The following ELP6 variants were observed in gnomAD, a reference collection of about 807,000 sequenced individuals.
ELP6 encodes the protein elongator complex protein 6.
In ELP6, 23 loss-of-function variants were observed where a neutral mutation model predicts 28.1. That is an observed-to-expected ratio of 0.82 (90% CI 0.59 to 1.16). The LOEUF is 1.16. ELP6 is among the 50% of genes most tolerant of loss of function. The pLI, the probability that ELP6 is intolerant of heterozygous loss-of-function variation, is 0.00. For missense variants in ELP6, 313 were observed against 334.6 expected, an observed-to-expected ratio of 0.94 and a Z score of 0.50; for synonymous variants, 132 against 135.8, an observed-to-expected ratio of 0.97 and a Z score of 0.19.
At chr3:47,503,508 T>A in intron 4 of ELP6, 1 of 1,111,300 alleles carries the variant, frequency 9.0e-7, no homozygotes, top group Non-Finnish European at 1.2e-6. Flanking sequence ...ACTACTCAAC[T>A]CTATTTGTTG....
intron 3 of ELP6, 39 bp from the exon 4 acceptor site, chr3:47,504,487 G>A (rs1486378942): frequency 6.4e-7 from 1 of 1,559,348 alleles, no homozygotes. Flanking sequence ...ATGCCTTGTA[G>A]GGGAACCCAT....
chr3:47,497,761 T>A (rs1289286574), intron 6 of ELP6, among the ~76,000 whole-genome samples: 5 of 152,000 alleles, frequency 3.3e-5, no homozygotes, highest in African/African-American at 1.2e-4. Flanking sequence ...AAACCCCGTC[T>A]CTACTAAAAA....
intron 6 of ELP6, chr3:47,497,165 G>A: frequency 1.0e-6 from 1 of 985,304 alleles, no homozygotes; most frequent in Non-Finnish European, 1.2e-6. Context: ...GGTTCCAGAA[G>A]AGAAGTTTGA....
At chr3:47,508,764 CCT>C (rs1491109781) in intron 3 of ELP6, among the ~76,000 whole-genome samples, 4 of 146,046 alleles carry the variant, frequency 2.7e-5, no homozygotes, top group Non-Finnish European at 6.0e-5. Flanking sequence ...TTTTTTTTTT[CCT>C]TTTTTTTTTT....
chr3:47,497,694 G>A (rs375292865), intron 6 of ELP6, among the ~76,000 whole-genome samples: 2 of 151,778 alleles, frequency 1.3e-5, no homozygotes, highest in East Asian at 4.0e-4. Flanking sequence ...GGAAGCAAAG[G>A]GGGGTGGGGG....
intron 1 of ELP6, chr3:47,512,811 G>A (rs2029894985): frequency 4.2e-6 from 4 of 946,944 alleles, no homozygotes; most frequent in Non-Finnish European, 5.0e-6. Flanking sequence ...GGGGCGAGGT[G>A]GCGGTTAGGA....
chr3:47,504,344 G>A lies in ELP6; in HGVS notation c.309C>T (p.Pro103=), dbSNP rs764819728. The change falls in exon 4 of 7, where the codon CCC becomes CCT. Residue 103 remains proline, a synonymous_variant. Coordinates refer to ENST00000296149, the MANE Select transcript of ELP6 (RefSeq NM_001031703.3). ...GGCTGACTGACCTGAGAAACTGCAG[G>A]GGGTGTGGCTCCTTTTGAGCCTGGA... The part of the protein sequence containing the change: ...VVFQAQKEPH[P]LQFLREANAG... The A allele has an allele frequency of 3.7e-6, 6 of 1,607,274 alleles. No homozygotes were observed. Among genetic ancestry groups the A allele is most frequent in the Non-Finnish European group, 4.3e-6 (5 of 1,176,306 alleles).
At chr3:47,502,645 G>A (rs1274251947) in intron 4 of ELP6, 3 of 777,462 alleles carry the variant, frequency 3.9e-6, no homozygotes, top group Non-Finnish European at 4.7e-6. Context: ...GAACAGCCTA[G>A]GCAACAGAGT....
intron 6 of ELP6, chr3:47,496,580 C>A: frequency 1.3e-6 from 1 of 769,624 alleles, no homozygotes; most frequent in Non-Finnish European, 1.6e-6. Flanking sequence ...ACTGCAACCT[C>A]TGCCTCCTAG....
intron 1 of ELP6, chr3:47,513,124 G>T: frequency 2.3e-6 from 2 of 852,162 alleles, no homozygotes; most frequent in Non-Finnish European, 2.8e-6. Flanking sequence ...CCGAGTAGCT[G>T]AGATTACAGG....
intron 5 of ELP6, among the ~76,000 whole-genome samples, chr3:47,500,625 T>C (rs572120776): frequency 6.6e-6 from 1 of 152,202 alleles, no homozygotes; most frequent in African/African-American, 2.4e-5. Context: ...CTGCAGAAGG[T>C]GGCTTTGGCT....
chr3:47,498,450 T>C lies in ELP6; in HGVS notation c.526-18A>G, dbSNP rs1207795773. 3 of 1,609,666 alleles carry C rather than the reference T, an allele frequency of 1.9e-6. No individual in the cohort carries two copies. In the African/African-American group the frequency reaches 4.0e-5, roughly 21 times the overall value. On this transcript the variant is annotated intron_variant, in intron 5 of 6. Coordinates refer to ENST00000296149, the MANE Select transcript of ELP6 (RefSeq NM_001031703.3). ...ATGTTTCCCTGCATCAGATACAAGA[T>C]GGAAGCCTGCTCCTTACTGGAAAGG...
intron 4 of ELP6, chr3:47,502,230 T>TA (rs1708684616): frequency 5.0e-6 from 1 of 200,822 alleles, no homozygotes; most frequent in Admixed American, 6.6e-5. Context: ...CCAACAATGG[T>TA]GAAACCCCGT....
intron 1 of ELP6, 133 bp downstream of exon 1, chr3:47,513,404 G>A (rs2029960334): frequency 4.1e-6 from 6 of 1,464,506 alleles, no homozygotes; most frequent in South Asian, 1.4e-5. Context: ...TCGATCCTCT[G>A]CGGACTACAA....
intron 1 of ELP6, 84 bp downstream of exon 1, chr3:47,513,453 C>T: frequency 1.3e-6 from 2 of 1,569,252 alleles, no homozygotes; most frequent in East Asian, 2.3e-5. Flanking sequence ...CGCCATTCCC[C>T]GGGGTCGTGC....
chr3:47,512,149 A>C (rs2108143023), intron 1 of ELP6: 2 of 863,568 alleles, frequency 2.3e-6, no homozygotes, highest in South Asian at 1.1e-4. Flanking sequence ...TGAAAGCTAC[A>C]ATTTGGCGCT....
chr3:47,497,713 G>A (rs1054285258), intron 6 of ELP6, among the ~76,000 whole-genome samples: 1 of 149,834 alleles, frequency 6.7e-6, no homozygotes, highest in Non-Finnish European at 1.5e-5. Context: ...GGTGGATCAC[G>A]AGGTCAGGAA....
chr3:47,501,619 G>T, intron 5 of ELP6, 31 bp downstream of exon 5: 1 of 1,607,448 alleles, frequency 6.2e-7, no homozygotes, highest in Non-Finnish European at 8.5e-7. Flanking sequence ...GAGGTCACAG[G>T]TGGGCGCAGA....
intron 4 of ELP6, chr3:47,503,286 C>A: frequency 1.6e-6 from 2 of 1,280,386 alleles, no homozygotes; most frequent in Non-Finnish European, 2.0e-6. Flanking sequence ...GGGGGAAGTT[C>A]CTGTGTGGAC....
Sources: gnomAD v4.1 joint callset for allele counts (sites outside exome capture counted in the v4.1 genomes callset) on GRCh38, gnomAD v4.1.1 for gene constraint, MANE v1.5 for transcripts, NCBI Gene and HGNC (gene_info 2026-07-23, HGNC 2026-07-21) for gene names.